The following POLE2 variants were observed in gnomAD, a reference collection of about 807,000 sequenced individuals.
POLE2 encodes the protein DNA polymerase epsilon subunit 2.
A neutral mutation model predicts 79.4 loss-of-function variants in POLE2; 56 were observed. The ratio of observed to expected loss-of-function variants is 0.71; its 90% CI spans 0.57 to 0.88. The LOEUF is 0.88. Ranked by LOEUF, POLE2 falls within the 40% of genes least tolerant of loss-of-function variation. POLE2 has a pLI of 0.00. For missense variants in POLE2, 598 were observed against 638.9 expected (o/e 0.94, Z 0.69); for synonymous variants, 212 against 214.0 (o/e 0.99, Z 0.08).
rs2139679113 is a variant in POLE2, at chr14:49,677,471, A to C, written c.245+2254T>G. 5 of 473,770 alleles carry C rather than the reference A, an allele frequency of 1.1e-5. No homozygotes were observed. The South Asian group carries it at 1.1e-4, about 10-fold the overall frequency. 29.3% of individuals were successfully genotyped at this position (473,770 alleles called of 1,614,324 possible). On this transcript the variant is annotated intron_variant, in intron 3 of 18. Coordinates refer to ENST00000216367, the MANE Select transcript of POLE2 (RefSeq NM_002692.4). ...TGGAGACGAGGGGCAGCCAGTTTTA[A>C]TACACTTGGATGCCATGAATCAAGC...
intron 18 of POLE2, among the ~76,000 whole-genome samples, chr14:49,643,875 C>CTT (rs11361567): frequency 3.8e-5 from 2 of 53,190 alleles, no homozygotes; most frequent in Non-Finnish European, 7.4e-5. Flanking sequence ...AAATGTATGT[C>CTT]TTTTTTTTTT....
intron 1 of POLE2, among the ~76,000 whole-genome samples, chr14:49,684,264 C>T (rs1025627133): frequency 2.0e-5 from 3 of 151,850 alleles, no homozygotes; most frequent in Non-Finnish European, 4.4e-5. Context: ...AGATCAAGAC[C>T]ATTCTGGCTA....
chr14:49,683,124 G>A (rs1034974396), intron 2 of POLE2, among the ~76,000 whole-genome samples: 9 of 152,020 alleles, frequency 5.9e-5, no homozygotes, highest in South Asian at 2.1e-4. Flanking sequence ...AAAAAAGGCC[G>A]GGTGTGGTGG....
intron 3 of POLE2, chr14:49,677,536 C>T (rs921802279): frequency 4.1e-6 from 2 of 482,370 alleles, no homozygotes; most frequent in Non-Finnish European, 7.5e-6. Flanking sequence ...CCTGACCCTG[C>T]CGGACTAGGC....
At chr14:49,685,676 T>C (rs1389760490) in intron 1 of POLE2, among the ~76,000 whole-genome samples, 1 of 152,100 alleles carries the variant, frequency 6.6e-6, no homozygotes, top group African/African-American at 2.4e-5. Flanking sequence ...TGAAGTGCAG[T>C]GGCGTAATCT....
At chr14:49,647,027 G>A in intron 18 of POLE2, 1 of 288,452 alleles carries the variant, frequency 3.5e-6, no homozygotes, top group Admixed American at 5.4e-5. Flanking sequence ...TCAGGAGTTG[G>A]CCTGTAAGAG....
chr14:49,655,815 CA>C lies in POLE2; in HGVS notation c.783del (p.Phe261LeufsTer9), dbSNP rs766106997. Reference protein sequence around the residue: ...TRAYYGNINFFGGPSNTSVKT... With the variant: ...TRAYYGNINFXGGPSNTSVKT... ...TTCACAGATGTATTAGAAGGACCTC[CA>C]AAAAAATTAATATTTCCATAGTATG... On this transcript the variant is annotated frameshift_variant, in exon 11 of 19. Coordinates refer to ENST00000216367, the MANE Select transcript of POLE2 (RefSeq NM_002692.4). LOFTEE classifies it high-confidence loss of function. 1.4e-5 allele frequency: 22 copies of C among 1,560,744 alleles called. No individual in the cohort carries two copies. The highest frequency in any genetic ancestry group is 3.6e-5 in the Admixed American group (2 of 55,132).
At position 49,658,251 on chromosome 14, in the gene POLE2, T is replaced by C. The variant is rs1375001836; in HGVS notation, c.756-2408A>G. 2.0e-5 allele frequency among the ~76,000 whole-genome samples: 3 copies of C among 151,974 alleles called. No individual in the cohort carries two copies. The East Asian group carries it at 5.8e-4, about 29-fold the overall frequency. Reference sequence around the variant, plus strand: ...GCCACCACGCCCGGCTAATTTTTTGTAGTTTTAGTAAAGACAGGGTTTCAT... The same window carrying C: ...GCCACCACGCCCGGCTAATTTTTTGCAGTTTTAGTAAAGACAGGGTTTCAT... On this transcript the variant is annotated intron_variant, in intron 10 of 18. Coordinates refer to ENST00000216367, the MANE Select transcript of POLE2 (RefSeq NM_002692.4).
intron 10 of POLE2, among the ~76,000 whole-genome samples, chr14:49,656,211 C>T (rs1003332356): frequency 1.3e-5 from 2 of 151,976 alleles, no homozygotes; most frequent in Non-Finnish European, 2.9e-5. Context: ...AAAAATTAGC[C>T]GGGCGACGTG....
intron 1 of POLE2, 24 bp downstream of exon 1, chr14:49,688,112 T>G: frequency 6.5e-7 from 1 of 1,538,574 alleles, no homozygotes; most frequent in Non-Finnish European, 8.8e-7. Context: ...CCTCTCGCCC[T>G]TCAAGCTGCC....
At chr14:49,653,252 A>C (rs778977077) in intron 15 of POLE2, among the ~76,000 whole-genome samples, 15 of 152,230 alleles carry the variant, frequency 9.9e-5, no homozygotes, top group Non-Finnish European at 2.2e-4. Context: ...GATGATACTT[A>C]AAGCCAGAGG....
intron 16 of POLE2, 44 bp downstream of exon 16, chr14:49,651,225 A>G (rs765494305): frequency 1.2e-6 from 1 of 828,182 alleles, no homozygotes. Context: ...ATTTTATATA[A>G]TGCAACATGT....
At chr14:49,644,071 G>A (rs1213872716) in intron 18 of POLE2, among the ~76,000 whole-genome samples, 2 of 149,830 alleles carry the variant, frequency 1.3e-5, no homozygotes, top group Non-Finnish European at 3.0e-5. Flanking sequence ...GTAGAGACGA[G>A]GTTTCACCAT....
intron 3 of POLE2, chr14:49,679,506 C>A: frequency 2.1e-6 from 1 of 482,736 alleles, no homozygotes; most frequent in Non-Finnish European, 3.7e-6. Context: ...ATGAATGGTA[C>A]AAGCAACACT....
Position 49,682,641 on chromosome 14 carries a change from A to G in POLE2, c.169+952T>C, listed in dbSNP as rs111770104. 4.1e-3 allele frequency among the ~76,000 whole-genome samples: 347 copies of G among 85,162 alleles called. 1 individual carries two copies. Among genetic ancestry groups the G allele is most frequent in the African/African-American group, 0.017 (320 of 18,900 alleles). The allele number at this position is 85,162 out of a possible 152,430, so 55.9% of individuals were successfully genotyped here. ...GACAGTGCAAGACTCCTTCTCAGGG[A>G]AAAAAAAAAAAAAAAAAAAAAAAAA... On this transcript the variant is annotated intron_variant, in intron 2 of 18. Coordinates refer to ENST00000216367, the MANE Select transcript of POLE2 (RefSeq NM_002692.4).
intron 6 of POLE2, among the ~76,000 whole-genome samples, chr14:49,668,131 G>A (rs1885617772): frequency 6.6e-6 from 1 of 151,858 alleles, no homozygotes; most frequent in South Asian, 2.1e-4. Context: ...AAAATTAGTT[G>A]GGCATGGTGG....
At chr14:49,687,856 C>A (rs571256776) in intron 1 of POLE2, among the ~76,000 whole-genome samples, 2 of 152,066 alleles carry the variant, frequency 1.3e-5, no homozygotes, top group Non-Finnish European at 2.9e-5. Flanking sequence ...CGCGCCACCA[C>A]GCCCAGCTAA....
chr14:49,664,262 T>A (rs1441127023), intron 9 of POLE2, among the ~76,000 whole-genome samples: 3 of 146,976 alleles, frequency 2.0e-5, no homozygotes, highest in Non-Finnish European at 3.0e-5. Context: ...GGCATGAGAA[T>A]CACTTGAACC....
intron 1 of POLE2, among the ~76,000 whole-genome samples, chr14:49,686,133 C>T (rs1186208705): frequency 3.3e-5 from 5 of 152,178 alleles, no homozygotes; most frequent in Admixed American, 3.3e-4. Flanking sequence ...TAATCCATTA[C>T]TCCTGGTAGT....
Sources: gnomAD v4.1 joint callset for allele counts (sites outside exome capture counted in the v4.1 genomes callset) on GRCh38, gnomAD v4.1.1 for gene constraint, MANE v1.5 for transcripts, NCBI Gene and HGNC (gene_info 2026-07-23, HGNC 2026-07-21) for gene names.